The following SMG6 variants were observed in gnomAD, a reference collection of about 807,000 sequenced individuals.
SMG6 encodes the protein SMG6 nonsense mediated mRNA decay factor.
In SMG6, 66 loss-of-function variants were observed where a neutral mutation model predicts 142.2. The ratio of observed to expected loss-of-function variants is 0.46; its 90% CI spans 0.38 to 0.57. The LOEUF is 0.57. Ranked by LOEUF, SMG6 falls within the 20% of genes least tolerant of loss-of-function variation. The probability of loss-of-function intolerance (pLI) is 0.00; values close to 1 mark genes in which losing one functional copy is unlikely to be tolerated. For missense variants in SMG6, 1,793 were observed against 1,832.0 expected (o/e 0.98, Z 0.39); for synonymous variants, 779 against 702.4 (o/e 1.11, Z -1.72).
intron 8 of SMG6, among the ~76,000 whole-genome samples, chr17:2,262,715 T>C (rs1289354363): frequency 6.6e-6 from 1 of 152,214 alleles, no homozygotes; most frequent in Non-Finnish European, 1.5e-5. Context: ...TATAACACTT[T>C]ATTGCAAGTA....
At chr17:2,120,445 C>A (rs2069652248) in intron 13 of SMG6, among the ~76,000 whole-genome samples, 1 of 152,208 alleles carries the variant, frequency 6.6e-6, no homozygotes, top group African/African-American at 2.4e-5. Flanking sequence ...TATACAACTT[C>A]AGCTGGGCAT....
At chr17:2,291,828 G>A (rs1220324725) in intron 6 of SMG6, among the ~76,000 whole-genome samples, 2 of 137,020 alleles carry the variant, frequency 1.5e-5, no homozygotes, top group Non-Finnish European at 3.0e-5. Context: ...CAGCCTGGGT[G>A]ACAGAGCAAG....
intron 13 of SMG6, 28 bp downstream of exon 13, chr17:2,172,630 G>T (rs2071539750): frequency 6.2e-7 from 1 of 1,609,586 alleles, no homozygotes; most frequent in South Asian, 1.1e-5. Flanking sequence ...AGGGGCGAAT[G>T]GGGAGGGATG....
chr17:2,242,112 G>C (rs955740994), intron 9 of SMG6, among the ~76,000 whole-genome samples: 7 of 152,072 alleles, frequency 4.6e-5, no homozygotes, highest in African/African-American at 1.7e-4. Context: ...CTGACTTAGG[G>C]CAACATGGTA....
chr17:2,212,249 A>G (rs968575580), intron 10 of SMG6, among the ~76,000 whole-genome samples: 1 of 149,818 alleles, frequency 6.7e-6, no homozygotes, highest in Admixed American at 6.9e-5. Context: ...CATTATTAAA[A>G]CTGTTATGGA....
chr17:2,291,441 G>A (rs1290119803), intron 6 of SMG6, among the ~76,000 whole-genome samples: 4 of 151,904 alleles, frequency 2.6e-5, no homozygotes, highest in Non-Finnish European at 5.9e-5. Flanking sequence ...AGGAAAAGAC[G>A]GATATAGAGA....
At chr17:2,208,891 G>A (rs191634145) in intron 10 of SMG6, among the ~76,000 whole-genome samples, 22 of 152,230 alleles carry the variant, frequency 1.4e-4, no homozygotes, top group African/African-American at 4.1e-4. Context: ...GTTAAAAAGC[G>A]TAACATGTCC....
At chr17:2,211,506 C>T (rs986195728) in intron 10 of SMG6, among the ~76,000 whole-genome samples, 1 of 151,744 alleles carries the variant, frequency 6.6e-6, no homozygotes, top group African/African-American at 2.4e-5. Context: ...CTACTAAAAA[C>T]ACAAAAAATT....
chr17:2,138,316 C>A (rs917418441), intron 13 of SMG6, among the ~76,000 whole-genome samples: 3 of 152,076 alleles, frequency 2.0e-5, no homozygotes, highest in African/African-American at 7.2e-5. Flanking sequence ...GATAAAGAAG[C>A]CTGTCCCCCA....
At position 2,065,517 on chromosome 17, in the gene SMG6, T is replaced by C. The variant is rs2067916203; in HGVS notation, c.3998A>G (p.Asn1333Ser). ...GCGGAAGGCGATGGATTCGAGTTCA[T>C]TGCCACGGCTGGTCAGGGCTCGCAG... ...SCLRALTSRGNELESIAFRSE... is the reference protein window; with the variant it reads ...SCLRALTSRGSELESIAFRSE... The change falls in exon 17 of 19, where the codon AAT becomes AGT. Residue 1333 changes from asparagine (N) to serine (S), a missense_variant. Asn to Ser is a conservative substitution (Grantham distance 46, BLOSUM62 1). Transcript: ENST00000263073. The C allele has an allele frequency of 5.0e-6, 8 of 1,613,824 alleles. No homozygotes were observed. The highest frequency in any genetic ancestry group is 5.1e-6 in the Non-Finnish European group (6 of 1,180,016).
intron 10 of SMG6, among the ~76,000 whole-genome samples, chr17:2,192,142 G>A (rs944582502): frequency 6.6e-6 from 1 of 152,256 alleles, no homozygotes; most frequent in African/African-American, 2.4e-5. Flanking sequence ...CAGGAGGGGC[G>A]GAGAGGGAAG....
intron 8 of SMG6, among the ~76,000 whole-genome samples, chr17:2,264,174 C>G (rs1367584555): frequency 5.3e-5 from 8 of 152,110 alleles, no homozygotes; most frequent in Admixed American, 1.3e-4. Flanking sequence ...AGGCTCTTCA[C>G]AGACCACAAG....
intron 10 of SMG6, among the ~76,000 whole-genome samples, chr17:2,224,742 A>ACCAACCAACCAACCAACCAG (rs2073268895): frequency 6.6e-6 from 1 of 152,142 alleles, no homozygotes. Context: ...CAACCAACCA[A>ACCAACCAACCAACCAACCAG]CCAACCAACC....
In SMG6 at chr17:2,244,915, T is replaced by A. The variant is rs979765405; in HGVS notation, c.2662-196A>T. 4 of 588,594 alleles carry A rather than the reference T, an allele frequency of 6.8e-6. No individual in the cohort carries two copies. The African/African-American group carries it at 7.4e-5, about 11-fold the overall frequency. 36.5% of individuals were successfully genotyped at this position (588,594 alleles called of 1,614,324 possible). ...CAGCTGCCGCTCAGCTGAGCCAAGA[T>A]GACAACAGGCTCAGTGAGCAGACAG... On this transcript the variant is annotated intron_variant, in intron 8 of 18. Transcript: ENST00000263073.
At chr17:2,077,108 A>C (rs1003033995) in intron 15 of SMG6, among the ~76,000 whole-genome samples, 7 of 152,116 alleles carry the variant, frequency 4.6e-5, no homozygotes, top group Non-Finnish European at 8.8e-5. Flanking sequence ...TCACACTTCA[A>C]ATCACTTGTC....
intron 13 of SMG6, among the ~76,000 whole-genome samples, chr17:2,090,050 A>G (rs1329352935): frequency 1.3e-5 from 2 of 151,766 alleles, no homozygotes; most frequent in Non-Finnish European, 2.9e-5. Context: ...CGGGTGTGGT[A>G]GTACATGTGG....
At chr17:2,113,243 A>ATT (rs1166603365) in intron 13 of SMG6, among the ~76,000 whole-genome samples, 1 of 147,218 alleles carries the variant, frequency 6.8e-6, no homozygotes, top group African/African-American at 2.5e-5. Flanking sequence ...TGCCTGGCCA[A>ATT]TTTTTTTTTT....
At chr17:2,241,606 G>C (rs964383117) in intron 9 of SMG6, among the ~76,000 whole-genome samples, 2 of 152,026 alleles carry the variant, frequency 1.3e-5, no homozygotes, top group Non-Finnish European at 2.9e-5. Context: ...GCCCAGGCTG[G>C]TCTTGAACTC....
At chr17:2,162,814 T>C (rs1282138825) in intron 13 of SMG6, among the ~76,000 whole-genome samples, 1 of 152,190 alleles carries the variant, frequency 6.6e-6, no homozygotes, top group African/African-American at 2.4e-5. Context: ...TCTTTTCTTT[T>C]CCGTATTGCT....
Sources: gnomAD v4.1 joint callset for allele counts (sites outside exome capture counted in the v4.1 genomes callset) on GRCh38, gnomAD v4.1.1 for gene constraint, MANE v1.5 for transcripts, NCBI Gene and HGNC (gene_info 2026-07-23, HGNC 2026-07-21) for gene names.